The following SLC8A1 variants were observed in gnomAD, a reference collection of about 807,000 sequenced individuals.
The protein encoded by SLC8A1 is solute carrier family 8 member A1, also known as sodium/calcium exchanger 1.
In SLC8A1, 18 loss-of-function variants were observed where a neutral mutation model predicts 68.3. The ratio of observed to expected loss-of-function variants is 0.26; its 90% CI spans 0.18 to 0.39. The LOEUF is 0.39. Among genes scored for constraint, SLC8A1 ranks in the 10% least tolerant of loss-of-function variants. The pLI, the probability that SLC8A1 is intolerant of heterozygous loss-of-function variation, is 1.00. For synonymous variants in SLC8A1, 475 were observed against 415.5 expected, an observed-to-expected ratio of 1.14 and a Z score of -1.74; for missense variants, 985 against 1,156.7, an observed-to-expected ratio of 0.85 and a Z score of 2.15.
chr2:40,432,079 C>T (rs139970339), intron 1 of SLC8A1, among the ~76,000 whole-genome samples: 15 of 152,124 alleles, frequency 9.9e-5, no homozygotes, highest in Non-Finnish European at 1.9e-4. Context: ...CTTGTTCAGT[C>T]TTTGAAAGGC....
At position 40,205,777 on chromosome 2, in the gene SLC8A1, C is replaced by T. The variant is rs1835037; in HGVS notation, c.1809-27922G>A. Among the ~76,000 whole-genome samples, 355 of 147,934 alleles carry T rather than the reference C, an allele frequency of 2.4e-3. 4 individuals are homozygous for T. Among genetic ancestry groups the T allele is most frequent in the African/African-American group, 8.3e-3 (335 of 40,290 alleles). On this transcript the variant is annotated intron_variant, in intron 2 of 7. Transcript: ENST00000406785. ...CAAGTTTACCTATGTAGCAAACCTGCGCTTGTACATCTGAACTTAGAAGTT... is the reference window on the plus strand; with the variant it reads ...CAAGTTTACCTATGTAGCAAACCTGTGCTTGTACATCTGAACTTAGAAGTT...
chr2:40,145,558 A>AAGGGC (rs2042306765), intron 6 of SLC8A1, among the ~76,000 whole-genome samples: 1 of 152,192 alleles, frequency 6.6e-6, no homozygotes, highest in Non-Finnish European at 1.5e-5. Flanking sequence ...AACCTGACAT[A>AAGGGC]CAGTAATTAC....
At chr2:40,191,172 A>G (rs1187359780) in intron 2 of SLC8A1, among the ~76,000 whole-genome samples, 2 of 152,182 alleles carry the variant, frequency 1.3e-5, no homozygotes, top group African/African-American at 2.4e-5. Flanking sequence ...CCGACAAAAT[A>G]TCAAGGGCAT....
At chr2:40,220,760 G>C (rs1574261352) in intron 2 of SLC8A1, among the ~76,000 whole-genome samples, 1 of 151,780 alleles carries the variant, frequency 6.6e-6, no homozygotes, top group African/African-American at 2.4e-5. Context: ...TCCTTTTCCT[G>C]ACAGGCTGCT....
chr2:40,413,195 G>A (rs534748541), intron 2 of SLC8A1, among the ~76,000 whole-genome samples: 7 of 152,268 alleles, frequency 4.6e-5, no homozygotes, highest in South Asian at 2.1e-4. Context: ...TCGGTGTGGC[G>A]ATTCCTCAGG....
intron 2 of SLC8A1, among the ~76,000 whole-genome samples, chr2:40,295,384 T>A (rs2149247522): frequency 6.6e-6 from 1 of 152,216 alleles, no homozygotes; most frequent in East Asian, 1.9e-4. Flanking sequence ...ATTATAGGAG[T>A]GAGCCACCAT....
intron 2 of SLC8A1, among the ~76,000 whole-genome samples, chr2:40,247,613 C>T (rs564918769): frequency 2.6e-5 from 4 of 152,250 alleles, no homozygotes; most frequent in South Asian, 4.1e-4. Flanking sequence ...GGCCTATGTT[C>T]AAATAATAAA....
intron 2 of SLC8A1, among the ~76,000 whole-genome samples, chr2:40,235,009 T>G (rs1223409652): frequency 3.9e-5 from 6 of 152,334 alleles, no homozygotes; most frequent in Non-Finnish European, 8.8e-5. Context: ...TGCCAGTATT[T>G]TATTGAGGAT....
At chr2:40,277,794 G>GTATGTATA (rs1553469305) in intron 2 of SLC8A1, among the ~76,000 whole-genome samples, 15 of 108,024 alleles carry the variant, frequency 1.4e-4, no homozygotes, top group African/African-American at 4.6e-4. Flanking sequence ...ATATATGTGT[G>GTATGTATA]TATATATATA....
At chr2:40,440,646 T>G (rs535976087) in intron 1 of SLC8A1, among the ~76,000 whole-genome samples, 29 of 152,142 alleles carry the variant, frequency 1.9e-4, no homozygotes, top group South Asian at 1.7e-3. Flanking sequence ...TCCATAATTA[T>G]GTCCATCACA....
At chr2:40,367,824 G>A (rs543334609) in intron 2 of SLC8A1, among the ~76,000 whole-genome samples, 10 of 152,126 alleles carry the variant, frequency 6.6e-5, no homozygotes, top group Admixed American at 2.0e-4. Context: ...TCACAGCCAC[G>A]TAACACCACT....
chr2:40,275,345 A>C (rs1324630830), intron 2 of SLC8A1, among the ~76,000 whole-genome samples: 3 of 152,212 alleles, frequency 2.0e-5, no homozygotes, highest in Middle Eastern at 3.2e-3. Flanking sequence ...CTTATCCTTA[A>C]CTTATGTTAA....
At chr2:40,451,002 G>C (rs368839805) in intron 1 of SLC8A1, among the ~76,000 whole-genome samples, 10 of 152,280 alleles carry the variant, frequency 6.6e-5, no homozygotes, top group African/African-American at 2.2e-4. Flanking sequence ...GGGTGATGCA[G>C]GGGGTGGATT....
intron 2 of SLC8A1, among the ~76,000 whole-genome samples, chr2:40,203,908 GT>G (rs1433115861): frequency 6.6e-6 from 1 of 151,820 alleles, no homozygotes; most frequent in Admixed American, 6.6e-5. Flanking sequence ...TAGAGATGAG[GT>G]TTCACTATGT....
intron 1 of SLC8A1, among the ~76,000 whole-genome samples, chr2:40,447,665 AT>A (rs1701703667): frequency 1.3e-5 from 2 of 151,926 alleles, no homozygotes; most frequent in African/African-American, 4.8e-5. Flanking sequence ...CTCGGATAAT[AT>A]TTCATTTTAT....
chr2:40,414,647 A>C (rs1284932787), intron 2 of SLC8A1, among the ~76,000 whole-genome samples: 4 of 152,172 alleles, frequency 2.6e-5, no homozygotes, highest in African/African-American at 4.8e-5. Context: ...GACTTGTTTT[A>C]GTCTCTTGGA....
intron 2 of SLC8A1, among the ~76,000 whole-genome samples, chr2:40,193,841 G>C (rs1400997545): frequency 6.6e-6 from 1 of 152,046 alleles, no homozygotes; most frequent in Non-Finnish European, 1.5e-5. Context: ...AATTAGCCAG[G>C]TACCCCTCCA....
intron 2 of SLC8A1, among the ~76,000 whole-genome samples, chr2:40,421,008 G>A (rs1243858785): frequency 6.6e-6 from 1 of 151,888 alleles, no homozygotes; most frequent in African/African-American, 2.4e-5. Flanking sequence ...TAAGTCATAC[G>A]GATACTTTAA....
At chr2:40,459,448 C>T (rs78124249) in intron 1 of SLC8A1, among the ~76,000 whole-genome samples, 4,462 of 152,130 alleles carry the variant, frequency 0.029, 215 homozygotes, top group African/African-American at 0.099. Flanking sequence ...TCAAAGCCAT[C>T]GGACTTTATC....
Sources: gnomAD v4.1 joint callset for allele counts (sites outside exome capture counted in the v4.1 genomes callset) on GRCh38, gnomAD v4.1.1 for gene constraint, MANE v1.5 for transcripts, NCBI Gene and HGNC (gene_info 2026-07-23, HGNC 2026-07-21) for gene names.